Variants in EFCAB14 observed in about 807,000 individuals in gnomAD.
The protein encoded by EFCAB14 is EF-hand calcium binding domain 14.
In EFCAB14, 43 loss-of-function variants were observed where a neutral mutation model predicts 56.5. The ratio of observed to expected loss-of-function variants is 0.76; its 90% CI spans 0.60 to 0.98. The LOEUF is 0.98. Among genes scored for constraint, EFCAB14 ranks in the 50% least tolerant of loss-of-function variants. The pLI, the probability that EFCAB14 is intolerant of heterozygous loss-of-function variation, is 0.00. For missense variants in EFCAB14, 538 were observed against 580.3 expected, an observed-to-expected ratio of 0.93 and a Z score of 0.75; for synonymous variants, 235 against 212.9, an observed-to-expected ratio of 1.10 and a Z score of -0.90.
At chr1:46,711,924 T>TA (rs1301322884) in intron 2 of EFCAB14, among the ~76,000 whole-genome samples, 1 of 152,216 alleles carries the variant, frequency 6.6e-6, no homozygotes, top group African/African-American at 2.4e-5. Context: ...CTGAAGCTCT[T>TA]AGTCTAGTGG....
At chr1:46,692,785 G>A (rs1197510221) in intron 4 of EFCAB14, among the ~76,000 whole-genome samples, 1 of 152,196 alleles carries the variant, frequency 6.6e-6, no homozygotes, top group Admixed American at 6.5e-5. Context: ...TACATGTAGT[G>A]TATACTGAGA....
chr1:46,679,133 G>A (rs956538265), intron 10 of EFCAB14, among the ~76,000 whole-genome samples: 1 of 152,202 alleles, frequency 6.6e-6, no homozygotes, highest in South Asian at 2.1e-4. Context: ...GTGGCATATT[G>A]TGAGATTTCT....
At chr1:46,709,635 T>C (rs1011236038) in intron 2 of EFCAB14, among the ~76,000 whole-genome samples, 3 of 152,286 alleles carry the variant, frequency 2.0e-5, no homozygotes, top group East Asian at 1.9e-4. Context: ...TGTGAAATAA[T>C]TGCAGGGTAT....
chr1:46,708,615 C>T (rs775919187), intron 2 of EFCAB14, among the ~76,000 whole-genome samples: 3 of 152,198 alleles, frequency 2.0e-5, no homozygotes, highest in Non-Finnish European at 4.4e-5. Context: ...TAGTCAACTG[C>T]AAGGGGGAGG....
At position 46,678,737 on chromosome 1, in the gene EFCAB14, C is replaced by T. The variant is rs143760162; in HGVS notation, c.1313-101G>A. 9.2e-5 allele frequency: 107 copies of T among 1,161,534 alleles called. No individual in the cohort carries two copies. In the African/African-American group the frequency reaches 1.5e-3, roughly 16 times the overall value. 72.0% of individuals were successfully genotyped at this position (1,161,534 alleles called of 1,614,324 possible). A position where few individuals can be genotyped will look rare whatever the true frequency, so the allele number is the denominator to read the frequency against. On this transcript the variant is annotated intron_variant, in intron 10 of 10. Transcript: ENST00000371933. ...ATTTAAAACACTAAAAGAAAAGCTACTCCGCAAATTTTGTTTCCAAATGGT... is the reference window on the plus strand; with the variant it reads ...ATTTAAAACACTAAAAGAAAAGCTATTCCGCAAATTTTGTTTCCAAATGGT...
At chr1:46,715,676 T>C (rs3766213) in intron 2 of EFCAB14, among the ~76,000 whole-genome samples, 1 of 152,104 alleles carries the variant, frequency 6.6e-6, no homozygotes, top group East Asian at 1.9e-4. Flanking sequence ...TCTAGACTCC[T>C]ACCCCTAGGG....
intron 2 of EFCAB14, 43 bp from the exon 3 acceptor site, chr1:46,708,094 C>T (rs757348278): frequency 1.3e-6 from 2 of 1,572,242 alleles, no homozygotes; most frequent in Non-Finnish European, 1.7e-6. Context: ...GCATAAAGTG[C>T]CCTCATGGTC....
intron 3 of EFCAB14, among the ~76,000 whole-genome samples, chr1:46,704,876 CT>C (rs1016888355): frequency 0.018 from 2,324 of 131,032 alleles, 44 homozygotes; most frequent in African/African-American, 0.058. Flanking sequence ...TTGATTTTAA[CT>C]TTTTTTTTTT....
intron 3 of EFCAB14, among the ~76,000 whole-genome samples, chr1:46,706,807 A>G (rs984870745): frequency 1.3e-5 from 2 of 152,248 alleles, no homozygotes; most frequent in Non-Finnish European, 1.5e-5. Context: ...TTGAAAGATT[A>G]AATAGAACTG....
rs888694234 is a variant in EFCAB14, at chr1:46,676,221, A to C, written c.*2240T>G. 1 of 152,218 alleles carries C rather than the reference A, an allele frequency of 6.6e-6. No individual in the cohort carries two copies. Among genetic ancestry groups the C allele is most frequent in the African/African-American group, 2.4e-5 (1 of 41,458 alleles). 9.4% of individuals were successfully genotyped at this position (152,218 alleles called of 1,614,324 possible). ...GATGACAAAAATATTCATAGATCTG[A>C]GAATGCAGTATAAACACCTCTGCCA... On this transcript the variant is annotated 3_prime_UTR_variant, in exon 11 of 11. Transcript: ENST00000371933.
chr1:46,696,705 G>A (rs534723056), intron 3 of EFCAB14, 56 bp from the exon 4 acceptor site: 38 of 1,517,380 alleles, frequency 2.5e-5, no homozygotes, highest in South Asian at 7.9e-5. Flanking sequence ...TAGAGGACAC[G>A]TTACCTTCAC....
chr1:46,703,799 T>C (rs1677195191), intron 3 of EFCAB14, among the ~76,000 whole-genome samples: 1 of 152,246 alleles, frequency 6.6e-6, no homozygotes, highest in Non-Finnish European at 1.5e-5. Context: ...ATATGCATGC[T>C]GGGTGACTCA....
chr1:46,707,924 G>T lies in EFCAB14; in HGVS notation c.462C>A (p.Ile154=). Residue 154 remains isoleucine (I), a synonymous_variant, in exon 3 of 11, where the codon ATC becomes ATA. Coordinates refer to ENST00000371933, the MANE Select transcript of EFCAB14 (RefSeq NM_014774.3). ...EMGLNKVWIN[I]TEMNKQISLL... The stretch of plus-strand genomic sequence containing the variant: ...TTAGTACCTGCTTATTCATTTCTGT[G>T]ATGTTTATCCAGACTTTGTTCAAAC... 6.2e-7 allele frequency: 1 copy of T among 1,609,890 alleles called. No individual in the cohort carries two copies.
intron 8 of EFCAB14, among the ~76,000 whole-genome samples, chr1:46,685,854 C>G (rs1676872797): frequency 6.6e-6 from 1 of 152,018 alleles, no homozygotes; most frequent in South Asian, 2.1e-4. Flanking sequence ...TCTGCAGAAG[C>G]AGTTAGAAAA....
intron 1 of EFCAB14, among the ~76,000 whole-genome samples, chr1:46,717,354 T>C (rs1194293103): frequency 6.6e-6 from 1 of 152,178 alleles, no homozygotes; most frequent in Non-Finnish European, 1.5e-5. Flanking sequence ...CCTCAAATCT[T>C]ACTACTTGAT....
Position 46,688,539 on chromosome 1 carries a change from G to T in EFCAB14, c.801C>A (p.Ile267=). The part of the protein sequence containing the change: ...KTHSENLKQD[I]LYLHNSLEEV... Reference sequence around the variant, plus strand: ...CCTCTAAAGAGTTGTGAAGGTACAGGATATCCTAGAGTGGAAATAAATAAA... The same window carrying T: ...CCTCTAAAGAGTTGTGAAGGTACAGTATATCCTAGAGTGGAAATAAATAAA... The change falls in exon 7 of 11, where the codon ATC becomes ATA. Residue 267 remains isoleucine (I), a synonymous_variant. Transcript: ENST00000371933. 6.2e-7 allele frequency: 1 copy of T among 1,612,246 alleles called. No individual in the cohort carries two copies. Among genetic ancestry groups the T allele is most frequent in the Non-Finnish European group, 8.5e-7 (1 of 1,179,130 alleles).
Position 46,688,606 on chromosome 1 carries a change from A to G in EFCAB14, c.796-62T>C, listed in dbSNP as rs577834501. 6.0e-5 allele frequency: 84 copies of G among 1,405,034 alleles called. No individual in the cohort carries two copies. The South Asian group carries it at 1.0e-3, about 17-fold the overall frequency. 87.0% of individuals were successfully genotyped at this position (1,405,034 alleles called of 1,614,324 possible). ...AAGACGTAAATTAGACAAGCAGGCC[A>G]GCAGCACCGAACAACCATTACTATG... On this transcript the variant is annotated intron_variant, in intron 6 of 10. Transcript: ENST00000371933.
chr1:46,678,979 C>T (rs759274263), intron 10 of EFCAB14, among the ~76,000 whole-genome samples: 20 of 152,186 alleles, frequency 1.3e-4, no homozygotes, highest in Non-Finnish European at 2.6e-4. Context: ...GACAGATAAT[C>T]GCAGGAGAAT....
At chr1:46,700,826 A>G (rs1200658870) in intron 3 of EFCAB14, among the ~76,000 whole-genome samples, 1 of 152,318 alleles carries the variant, frequency 6.6e-6, no homozygotes, top group East Asian at 1.9e-4. Context: ...ATATTGAATG[A>G]CCTTATTTAT....
Sources: allele counts gnomAD v4.1 joint callset (sites outside exome capture counted in the v4.1 genomes callset), GRCh38; gene constraint gnomAD v4.1.1; transcripts MANE v1.5; gene names NCBI Gene and HGNC (gene_info 2026-07-23, HGNC 2026-07-21).